The following SH3D21 variants were observed in gnomAD, a reference collection of about 807,000 sequenced individuals.
SH3D21 encodes the protein manchette microtubule inner protein 1, also known as SH3 domain-containing protein 21.
A neutral mutation model predicts 82.1 loss-of-function variants in SH3D21; 83 were observed. The ratio of observed to expected loss-of-function variants is 1.01; its 90% CI spans 0.85 to 1.21. The LOEUF is 1.21. Among genes scored for constraint, SH3D21 ranks in the 50% most tolerant of loss-of-function variants. The pLI is 0.00. For missense variants in SH3D21, 980 were observed against 962.1 expected (o/e 1.02, Z -0.25); for synonymous variants, 383 against 387.8 (o/e 0.99, Z 0.15).
rs2995229 is a variant in SH3D21 at position 36,307,989 on chromosome 1, C to G, written c.538+26C>G. The stretch of plus-strand genomic sequence containing the variant: ...GTGAGCACCCATCCAAAGGGTCCCC[C>G]ACTCCCTCAGCCACTCCCAAGGTTG... On this transcript the variant is annotated intron_variant, in intron 7 of 15. Transcript: ENST00000453908. The surrounding 1 kb of genome is among the most constrained non-coding windows in gnomAD (Gnocchi z 5.4). The G allele has an allele frequency of 6.4e-7, 1 of 1,551,484 alleles. No individual in the cohort carries two copies. The highest frequency in any genetic ancestry group is 8.7e-7 in the Non-Finnish European group (1 of 1,146,986).
chr1:36,310,988 A>G (rs1646228775), intron 10 of SH3D21, among the ~76,000 whole-genome samples: 1 of 151,822 alleles, frequency 6.6e-6, no homozygotes, highest in African/African-American at 2.4e-5. Flanking sequence ...CCCTCACTGC[A>G]ACCTCTGCCT....
chr1:36,319,787 A>G lies in SH3D21; in HGVS notation c.1124A>G (p.Lys375Arg). ...PPAPENAPSS[K>R]KIPAPDKVPS... is the part of the protein sequence containing the mutation. ...GCTCCAGAGAACGCCCCCAGCTCCA[A>G]GAAGATCCCGGCTCCTGACAAAGTC... is the stretch of plus-strand genomic sequence containing the variant. The change falls in exon 14 of 16, where the codon AAG (lysine) becomes AGG (arginine). Residue 375 changes from lysine to arginine, a missense_variant. Lys to Arg is a conservative substitution (Grantham distance 26). Coordinates refer to ENST00000453908, the MANE Select transcript of SH3D21 (RefSeq NM_001162530.2). 6.2e-7 allele frequency: 1 copy of G among 1,613,712 alleles called. No individual in the cohort carries two copies. The highest frequency in any genetic ancestry group is 8.5e-7 in the Non-Finnish European group (1 of 1,179,862).
At chr1:36,312,605 G>T (rs1054925855) in intron 10 of SH3D21, among the ~76,000 whole-genome samples, 2 of 152,094 alleles carry the variant, frequency 1.3e-5, no homozygotes, top group Admixed American at 1.3e-4. Context: ...ATTTCATTTT[G>T]TTAATTTATT....
chr1:36,308,206 C>T lies in SH3D21; in HGVS notation c.636C>T (p.Ser212=). The T allele has an allele frequency of 1.3e-6, 2 of 1,537,038 alleles. No individual in the cohort carries two copies. The highest frequency in any genetic ancestry group is 8.8e-7 in the Non-Finnish European group (1 of 1,139,456). The change falls in exon 8 of 16, where the codon AGC becomes AGT. Residue 212 remains serine (S), a synonymous_variant. Transcript: ENST00000453908. ...LRRGDVVKVL[S]KTTEDKGWWE... Reference sequence around the variant, plus strand: ...GGGGGGACGTGGTAAAAGTACTCAGCAAGGTGTGAGACGAACAGGGTGGGG... The same window carrying T: ...GGGGGGACGTGGTAAAAGTACTCAGTAAGGTGTGAGACGAACAGGGTGGGG...
intron 10 of SH3D21, among the ~76,000 whole-genome samples, chr1:36,314,887 T>C (rs937594926): frequency 5.3e-5 from 8 of 152,196 alleles, no homozygotes; most frequent in African/African-American, 1.7e-4. Context: ...GCCTTCAACT[T>C]AGCCAGTTAA....
chr1:36,307,045 T>A lies in SH3D21; in HGVS notation c.227-122T>A, dbSNP rs1413652932. The stretch of plus-strand genomic sequence containing the variant: ...CTGCGGTCTGTGATTGGTTCTCGAG[T>A]GCAATGCTCCGCCCTGGGGCGGGGC... On this transcript the variant is annotated intron_variant, in intron 3 of 15. Transcript: ENST00000453908. This position sits in a 1 kb window ranked among gnomAD's most constrained non-coding sequence, Gnocchi z 5.4. 6.8e-7 allele frequency: 1 copy of A among 1,466,134 alleles called. No individual in the cohort carries two copies. Among genetic ancestry groups the A allele is most frequent in the African/African-American group, 1.4e-5 (1 of 70,282 alleles). 90.8% of individuals were successfully genotyped at this position (1,466,134 alleles called of 1,614,324 possible). A position where few individuals can be genotyped will look rare whatever the true frequency, so the allele number is the denominator to read the frequency against.
downstream of SH3D21, chr1:36,322,902 G>T: frequency 6.3e-7 from 1 of 1,577,124 alleles, no homozygotes; most frequent in East Asian, 2.2e-5. Flanking sequence ...CGGACAAGGC[G>T]CTGGGGAGGG....
At chr1:36,319,594 G>C in intron 13 of SH3D21, 58 bp downstream of exon 13, 1 of 1,551,058 alleles carries the variant, frequency 6.4e-7, no homozygotes, top group East Asian at 2.4e-5. Flanking sequence ...GTTCCCAGCT[G>C]TGGTGTGCAC....
downstream of SH3D21, chr1:36,321,917 TG>T: frequency 3.5e-6 from 3 of 867,234 alleles, no homozygotes; most frequent in Non-Finnish European, 4.3e-6. This position sits in a 1 kb window ranked among gnomAD's most constrained non-coding sequence, Gnocchi z 6.1. Context: ...GGTTGGTGGG[TG>T]GGGGTGGTGC....
chr1:36,306,723 C>T lies in SH3D21; in HGVS notation c.130C>T (p.Arg44Cys). Residue 44 changes from arginine (R) to cysteine (C), a missense_variant, in exon 2 of 16, where the codon CGC becomes TGC. Coordinates refer to ENST00000453908, the MANE Select transcript of SH3D21 (RefSeq NM_001162530.2). This position sits in a 1 kb window ranked among gnomAD's most constrained non-coding sequence, Gnocchi z 4.5. The stretch of plus-strand genomic sequence containing the variant: ...CTGGCTTCGCGGAGAGTTTGGGGGC[C>T]GCTATGGCCTCTTCCCCGAGCGCCT... ...RGWLRGEFGGRYGLFPERLVQ... is the reference protein window; with the variant it reads ...RGWLRGEFGGCYGLFPERLVQ... The T allele has an allele frequency of 7.7e-7, 1 of 1,290,668 alleles. No homozygotes were observed. The highest frequency in any genetic ancestry group is 1.0e-6 in the Non-Finnish European group (1 of 986,694). 80.0% of individuals were successfully genotyped at this position (1,290,668 alleles called of 1,614,324 possible).
At chr1:36,322,448 C>A, downstream of SH3D21, 1 of 1,604,618 alleles carries the variant, frequency 6.2e-7, no homozygotes, top group East Asian at 2.2e-5. Flanking sequence ...GCTCCTCCGC[C>A]GACGTGAAGA....
Position 36,320,614 on chromosome 1 carries a change from AG to A in SH3D21, c.1952del (p.Arg651LysfsTer40). 1.2e-6 allele frequency: 2 copies of A among 1,614,246 alleles called. No homozygotes were observed. The highest frequency in any genetic ancestry group is 8.5e-7 in the Non-Finnish European group (1 of 1,180,044). On this transcript the variant is annotated frameshift_variant, in exon 14 of 16. Transcript: ENST00000453908. LOFTEE classifies it high-confidence loss of function. ...APKEEVPPIE[R>X]AFAQKTRPIK... ...AAAAGAGGAGGTGCCCCCCATAGAAAGAGCCTTTGCCCAAAAAACACGTCCT... is the reference window on the plus strand; with the variant it reads ...AAAAGAGGAGGTGCCCCCCATAGAAAAGCCTTTGCCCAAAAAACACGTCCT...
In SH3D21 at chr1:36,319,904, C is replaced by T. The variant is rs781017423; in HGVS notation, c.1241C>T (p.Pro414Leu). Residue 414 changes from proline (P) to leucine (L), a missense_variant, in exon 14 of 16, where the codon CCC becomes CTC. Pro to Leu is a moderately conservative substitution (Grantham distance 98). Transcript: ENST00000453908. Reference protein sequence around the residue: ...SGKIPAPDKVPTPEKMVTPED... With the variant: ...SGKIPAPDKVLTPEKMVTPED... The stretch of plus-strand genomic sequence containing the variant: ...AAGATCCCAGCTCCTGACAAAGTCC[C>T]CACCCCAGAGAAGATGGTGACTCCG... The T allele has an allele frequency of 6.2e-7, 1 of 1,614,134 alleles. No individual in the cohort carries two copies. Among genetic ancestry groups the T allele is most frequent in the South Asian group, 1.1e-5 (1 of 91,076 alleles).
At position 36,320,504 on chromosome 1, in the gene SH3D21, A is replaced by G; in HGVS notation, c.1841A>G (p.Glu614Gly). 2 of 1,614,128 alleles carry G rather than the reference A, an allele frequency of 1.2e-6. No individual in the cohort carries two copies. Among genetic ancestry groups the G allele is most frequent in the East Asian group, 2.2e-5 (1 of 44,878 alleles). ...APPNEQRPLR[E>G]EVLPKEGVAS... ...CCCAACGAGCAGAGGCCTCTGAGAG[A>G]GGAGGTGCTCCCCAAAGAGGGAGTG... The change falls in exon 14 of 16, where the codon GAG becomes GGG. Residue 614 changes from glutamate (E) to glycine (G), a missense_variant. Transcript: ENST00000453908.
chr1:36,320,061 A>C lies in SH3D21; in HGVS notation c.1398A>C (p.Lys466Asn), dbSNP rs755017683. The change falls in exon 14 of 16, where the codon AAA (lysine) becomes AAC (asparagine). Residue 466 changes from lysine (K) to asparagine (N), a missense_variant. By Grantham distance (94) the Lys-to-Asn change is moderately conservative. Transcript: ENST00000453908. The part of the protein sequence containing the change: ...SPALEAPPMD[K>N]VPNPKMAPLG... ...CCCTAGAAGCCCCACCTATGGATAAAGTCCCTAATCCAAAGATGGCCCCTC... is the reference window on the plus strand; with the variant it reads ...CCCTAGAAGCCCCACCTATGGATAACGTCCCTAATCCAAAGATGGCCCCTC... The C allele has an allele frequency of 6.2e-7, 1 of 1,613,938 alleles. No homozygotes were observed. The highest frequency in any genetic ancestry group is 1.3e-5 in the African/African-American group (1 of 74,902).
In SH3D21 at chr1:36,306,753, CAGGTG is replaced by C; in HGVS notation, c.162+2_162+6del. On this transcript the variant is annotated splice_donor_variant and splice_donor_region_variant and coding_sequence_variant and intron_variant, in exon 2 of 16. Transcript: ENST00000453908. LOFTEE classifies it high-confidence loss of function. The surrounding 1 kb of genome is among the most constrained non-coding windows in gnomAD (Gnocchi z 4.5). ...TGGCCTCTTCCCCGAGCGCCTGGTG[CAGGTG>C]AGGCCGAGCCAGGGGCGGGCTGTGG... 1 of 1,289,428 alleles carries C rather than the reference CAGGTG, an allele frequency of 7.8e-7. No individual in the cohort carries two copies. The highest frequency in any genetic ancestry group is 1.0e-6 in the Non-Finnish European group (1 of 986,944). 79.9% of individuals were successfully genotyped at this position (1,289,428 alleles called of 1,614,324 possible).
chr1:36,323,828 G>A (rs888613457), downstream of SH3D21: 5 of 152,276 alleles, frequency 3.3e-5, no homozygotes, highest in East Asian at 7.7e-4. Context: ...AGCAACAACA[G>A]AGAGGCTGGA....
downstream of SH3D21, chr1:36,323,384 CG>C (rs1330579479): frequency 4.7e-6 from 1 of 213,880 alleles, no homozygotes; most frequent in East Asian, 1.0e-4. Flanking sequence ...AGGCGGGCTC[CG>C]GGAAGGGAAG....
At chr1:36,325,354 A>T (rs1003488537), downstream of SH3D21, among the ~76,000 whole-genome samples, 2 of 152,196 alleles carry the variant, frequency 1.3e-5, no homozygotes, top group Non-Finnish European at 1.5e-5. Context: ...CATAGCGGTT[A>T]CATTATATTA....
Sources: allele counts gnomAD v4.1 joint callset (sites outside exome capture counted in the v4.1 genomes callset), GRCh38; gene constraint gnomAD v4.1.1; non-coding constraint Gnocchi (gnomAD v3.1); transcripts MANE v1.5; gene names NCBI Gene and HGNC (gene_info 2026-07-23, HGNC 2026-07-21).